Variants in RBFOX1 observed in about 807,000 individuals in gnomAD.
The protein encoded by RBFOX1 is RNA binding protein fox-1 homolog 1.
Under a neutral mutation model 57.7 loss-of-function variants are expected in RBFOX1, and 8 were observed. The ratio of observed to expected loss-of-function variants is 0.14; its 90% CI spans 0.08 to 0.25. RBFOX1 has a LOEUF of 0.25. RBFOX1 is among the 10% of genes least tolerant of loss of function. The pLI is 1.00. For missense variants in RBFOX1, 611 were observed against 548.5 expected, an observed-to-expected ratio of 1.11 and a Z score of -1.14; for synonymous variants, 326 against 222.4, an observed-to-expected ratio of 1.47 and a Z score of -4.15.
At chr16:7,162,583 A>AAC (rs1376830972) in intron 4 of RBFOX1, among the ~76,000 whole-genome samples, 1 of 151,368 alleles carries the variant, frequency 6.6e-6, no homozygotes, top group African/African-American at 2.4e-5. Context: ...AAAAAAAAAA[A>AAC]AAACATTGCC....
chr16:6,640,018 T>G (rs1309407993), intron 2 of RBFOX1, among the ~76,000 whole-genome samples: 1 of 152,212 alleles, frequency 6.6e-6, no homozygotes, highest in Non-Finnish European at 1.5e-5. Flanking sequence ...ACCAGAGCTT[T>G]TAACCCCATT....
At chr16:7,638,190 C>T (rs2062091798) in intron 11 of RBFOX1, among the ~76,000 whole-genome samples, 1 of 152,168 alleles carries the variant, frequency 6.6e-6, no homozygotes, top group Admixed American at 6.5e-5. Context: ...TATCCATAAT[C>T]ATAAGTAGTG....
chr16:6,329,790 T>C (rs1037633784), intron 2 of RBFOX1, among the ~76,000 whole-genome samples: 37 of 152,010 alleles, frequency 2.4e-4, no homozygotes, highest in Admixed American at 2.4e-3. Context: ...AAAGAAAAAT[T>C]AAGTGGGAAT....
chr16:7,547,482 G>A lies in RBFOX1; in HGVS notation c.270+29093G>A, dbSNP rs1246907323. On this transcript the variant is annotated intron_variant, in intron 5 of 15. Coordinates refer to ENST00000550418, the MANE Select transcript of RBFOX1 (RefSeq NM_018723.4). ...AGAAGAAAATGATCATCTGACTGGG[G>A]CATTTAGTCCCTTCTGCAAGCTAGG... is the stretch of plus-strand genomic sequence containing the variant. Among the ~76,000 whole-genome samples, 5 of 152,226 alleles carry A rather than the reference G, an allele frequency of 3.3e-5. No homozygotes were observed. The South Asian group carries it at 6.2e-4, about 19-fold the overall frequency.
chr16:6,296,053 C>T (rs959984914), intron 1 of RBFOX1, among the ~76,000 whole-genome samples: 2 of 152,276 alleles, frequency 1.3e-5, no homozygotes, highest in East Asian at 3.9e-4. Flanking sequence ...AAGCTGAGCC[C>T]AGGATCTTCA....
At chr16:6,389,902 A>C (rs79399195) in intron 2 of RBFOX1, among the ~76,000 whole-genome samples, 1 of 152,214 alleles carries the variant, frequency 6.6e-6, no homozygotes, top group South Asian at 2.1e-4. Flanking sequence ...GTGTACTGCC[A>C]TCTGAGTCGC....
At chr16:5,909,926 A>C (rs2058567461) in intron 4 of RBFOX1, among the ~76,000 whole-genome samples, 1 of 151,980 alleles carries the variant, frequency 6.6e-6, no homozygotes, top group African/African-American at 2.4e-5. Flanking sequence ...GGTGGCAGGC[A>C]CCTGTAATCC....
chr16:5,654,893 G>C (rs1198370214), intron 3 of RBFOX1, among the ~76,000 whole-genome samples: 1 of 152,098 alleles, frequency 6.6e-6, no homozygotes, highest in Non-Finnish European at 1.5e-5. Context: ...GGGAATGAAA[G>C]GGATGAAATG....
chr16:6,277,524 C>T (rs1201696800), intron 1 of RBFOX1, among the ~76,000 whole-genome samples: 4 of 149,182 alleles, frequency 2.7e-5, no homozygotes, highest in Non-Finnish European at 1.5e-5. Flanking sequence ...TTTATCTCAG[C>T]ACTTTGAGAG....
At chr16:6,250,537 A>G (rs1170163680) in intron 1 of RBFOX1, among the ~76,000 whole-genome samples, 1 of 152,064 alleles carries the variant, frequency 6.6e-6, no homozygotes, top group Non-Finnish European at 1.5e-5. Context: ...TTAGCTCCTT[A>G]TCTGTGGTAT....
Position 6,760,385 on chromosome 16 carries a change from A to T in RBFOX1, c.-16+105735A>T, listed in dbSNP as rs192692600. ...TTTTTAAAGCAAATGGAATTCTTCAACATCTTAACTATCTTTTAACTCTTG... is the reference window on the plus strand; with the variant it reads ...TTTTTAAAGCAAATGGAATTCTTCATCATCTTAACTATCTTTTAACTCTTG... On this transcript the variant is annotated intron_variant, in intron 3 of 15. Transcript: ENST00000550418. Among the ~76,000 whole-genome samples the T allele has an allele frequency of 8.6e-4, 131 of 152,324 alleles. 1 individual carries two copies. The South Asian group carries it at 0.012, about 13-fold the overall frequency.
intron 4 of RBFOX1, chr16:7,510,012 T>C (rs1201551885): frequency 1.6e-5 from 4 of 251,304 alleles, no homozygotes; most frequent in Non-Finnish European, 1.9e-5. Flanking sequence ...ATCTGCTCAG[T>C]GGTGCGCTGT....
At chr16:7,454,313 G>C (rs1006381409) in intron 4 of RBFOX1, among the ~76,000 whole-genome samples, 1 of 152,194 alleles carries the variant, frequency 6.6e-6, no homozygotes, top group Non-Finnish European at 1.5e-5. Flanking sequence ...AGGATCGGTA[G>C]ACAGAATGCT....
chr16:7,558,971 A>T (rs1314839871), intron 5 of RBFOX1, among the ~76,000 whole-genome samples: 1 of 152,244 alleles, frequency 6.6e-6, no homozygotes, highest in Admixed American at 6.5e-5. Context: ...CCCTACTTTT[A>T]AAATGGCATA....
At chr16:6,802,068 A>G (rs2085598299) in intron 3 of RBFOX1, among the ~76,000 whole-genome samples, 1 of 151,938 alleles carries the variant, frequency 6.6e-6, no homozygotes, top group Non-Finnish European at 1.5e-5. Flanking sequence ...GTTTCTTCAG[A>G]TCCCAGTAAA....
intron 2 of RBFOX1, among the ~76,000 whole-genome samples, chr16:6,445,068 G>A (rs2094457796): frequency 6.6e-6 from 1 of 152,076 alleles, no homozygotes; most frequent in East Asian, 1.9e-4. Flanking sequence ...GGAGAGATGT[G>A]TGGGAGGCAT....
chr16:5,983,167 C>G (rs568395393), intron 4 of RBFOX1, among the ~76,000 whole-genome samples: 1 of 152,198 alleles, frequency 6.6e-6, no homozygotes, highest in South Asian at 2.1e-4. Context: ...CCCCATTACC[C>G]CAGATGCCTC....
At chr16:7,268,389 A>C (rs1428214102) in intron 4 of RBFOX1, among the ~76,000 whole-genome samples, 1 of 152,054 alleles carries the variant, frequency 6.6e-6, no homozygotes, top group Admixed American at 6.5e-5. Flanking sequence ...ACTCGCTCTC[A>C]CTCTTACTGG....
At chr16:6,764,642 G>T (rs950892574) in intron 3 of RBFOX1, among the ~76,000 whole-genome samples, 2 of 152,116 alleles carry the variant, frequency 1.3e-5, no homozygotes, top group Admixed American at 6.6e-5. Flanking sequence ...TAATTATTAA[G>T]AGTAAATGCA....
Sources: allele counts gnomAD v4.1 joint callset (sites outside exome capture counted in the v4.1 genomes callset), GRCh38; gene constraint gnomAD v4.1.1; transcripts MANE v1.5; gene names NCBI Gene and HGNC (gene_info 2026-07-23, HGNC 2026-07-21).